The following ZNF891 variants were observed in gnomAD, a reference collection of about 807,000 sequenced individuals.
ZNF891 encodes the protein hCG1646157.
For missense variants in ZNF891, 589 were observed against 632.7 expected, an observed-to-expected ratio of 0.93 and a Z score of 0.74; for synonymous variants, 199 against 209.0, an observed-to-expected ratio of 0.95 and a Z score of 0.41.
rs533706342 is a variant in ZNF891, at chr12:133,122,181, A to G, written c.-106-157T>C. 54 of 1,170,906 alleles carry G rather than the reference A, an allele frequency of 4.6e-5. No homozygotes were observed. In the Admixed American group the frequency reaches 1.8e-3, roughly 40 times the overall value. 72.5% of individuals were successfully genotyped at this position (1,170,906 alleles called of 1,614,324 possible). A position where few individuals can be genotyped will look rare whatever the true frequency, so the allele number is the denominator to read the frequency against. On this transcript the variant is annotated intron_variant, in intron 1 of 1. Transcript: ENST00000537226. ...ACTGGGATTTGTACTGACATGCAAT[A>G]TAACGATCCTTACCCACTTCAAGAA...
chr12:133,122,706 T>G (rs1192149637), intron 1 of ZNF891, among the ~76,000 whole-genome samples: 2 of 152,184 alleles, frequency 1.3e-5, no homozygotes, highest in Non-Finnish European at 1.5e-5. Flanking sequence ...AACCTGCGCA[T>G]TCTGCACATG....
intron 1 of ZNF891, among the ~76,000 whole-genome samples, chr12:133,129,502 CA>C (rs35653414): frequency 2.1e-3 from 192 of 92,754 alleles, no homozygotes; most frequent in Middle Eastern, 6.0e-3. Context: ...AACTCTGTCT[CA>C]AAAAAAAAAA....
rs576187996 is a variant in ZNF891 at position 133,118,647 on chromosome 12, A to G, written c.*1637T>C. The G allele has an allele frequency of 9.2e-5, 14 of 152,318 alleles. No individual in the cohort carries two copies. Among genetic ancestry groups the G allele is most frequent in the African/African-American group, 3.4e-4 (14 of 41,582 alleles). The allele number at this position is 152,318 out of a possible 1,614,324, so 9.4% of individuals were successfully genotyped here. A position where few individuals can be genotyped will look rare whatever the true frequency, so the allele number is the denominator to read the frequency against. On this transcript the variant is annotated 3_prime_UTR_variant, in exon 2 of 2. Transcript: ENST00000537226. ...ATCTCATGCTTTACTTAGCATTTAAAATTGGTAACTTCCCCTCTGTCTGAA... is the reference window on the plus strand; with the variant it reads ...ATCTCATGCTTTACTTAGCATTTAAGATTGGTAACTTCCCCTCTGTCTGAA...
chr12:133,115,611 T>TTTTTG lies in ZNF891; in HGVS notation c.*4668_*4672dup, dbSNP rs983297703. The TTTTTG allele has an allele frequency of 6.6e-6, 1 of 151,914 alleles. No homozygotes were observed. The highest frequency in any genetic ancestry group is 2.4e-5 in the African/African-American group (1 of 41,336). 9.4% of individuals were successfully genotyped at this position (151,914 alleles called of 1,614,324 possible). ...AGTTTTATTATTAAAAACCACAAAG[T>TTTTTG]TTTTGTTTTGTTTTGTTTTGTTTTT... On this transcript the variant is annotated 3_prime_UTR_variant, in exon 2 of 2. Transcript: ENST00000537226.
At position 133,115,669 on chromosome 12, in the gene ZNF891, A is replaced by G. The variant is rs940104546; in HGVS notation, c.*4615T>C. Reference sequence around the variant, plus strand: ...ATACCATGGCAGCTGCATAGAAAACATACTAAAGGAAAGTATGATTCAAGT... The same window carrying G: ...ATACCATGGCAGCTGCATAGAAAACGTACTAAAGGAAAGTATGATTCAAGT... On this transcript the variant is annotated 3_prime_UTR_variant, in exon 2 of 2. Coordinates refer to ENST00000537226, the MANE Select transcript of ZNF891 (RefSeq NM_001277291.2). The G allele has an allele frequency of 1.3e-5, 2 of 152,152 alleles. No homozygotes were observed. The highest frequency in any genetic ancestry group is 6.5e-5 in the Admixed American group (1 of 15,268). The allele number at this position is 152,152 out of a possible 1,614,324, so 9.4% of individuals were successfully genotyped here.
Position 133,106,391 on chromosome 12 carries a change from C to G in ZNF891, c.*13893G>C. 1 of 1,614,170 alleles carries G rather than the reference C, an allele frequency of 6.2e-7. No individual in the cohort carries two copies. The highest frequency in any genetic ancestry group is 8.5e-7 in the Non-Finnish European group (1 of 1,180,028). ...TAAAGTTTTCACTTGGCATGCATCC[C>G]TTATTCAACATACGAAGAGTCACAC... On this transcript the variant is annotated 3_prime_UTR_variant, in exon 2 of 2. Transcript: ENST00000537226.
Position 133,110,745 on chromosome 12 carries a change from T to C in ZNF891, c.*9539A>G, listed in dbSNP as rs560972963. 1 of 151,632 alleles carries C rather than the reference T, an allele frequency of 6.6e-6. No individual in the cohort carries two copies. The highest frequency in any genetic ancestry group is 2.4e-5 in the African/African-American group (1 of 41,294). The allele number at this position is 151,632 out of a possible 1,614,324, so 9.4% of individuals were successfully genotyped here. ...CAGGCAGATCACTTGAGGTCAAGAG[T>C]TTAAAATCAGCCTGGCCAACATGGT... On this transcript the variant is annotated 3_prime_UTR_variant, in exon 2 of 2. Transcript: ENST00000537226.
Position 133,120,304 on chromosome 12 carries a change from T to C in ZNF891, c.1615A>G (p.Thr539Ala), listed in dbSNP as rs1213257927. 3.2e-6 allele frequency: 5 copies of C among 1,540,518 alleles called. No homozygotes were observed. Among genetic ancestry groups the C allele is most frequent in the Admixed American group, 2.0e-5 (1 of 50,922 alleles). The change falls in exon 2 of 2, where the codon ACT becomes GCT. Residue 539 changes from threonine (T) to alanine (A), a missense_variant. By Grantham distance (58) the Thr-to-Ala change is moderately conservative (BLOSUM62 0). Coordinates refer to ENST00000537226, the MANE Select transcript of ZNF891 (RefSeq NM_001277291.2). Reference protein sequence around the residue: ...SSLIIHKRIHTERETL With the variant: ...SSLIIHKRIHAERETL ...AACACTTACAGGGTTTCTCTCTCAG[T>C]ATGAATTCTCTTGTGTATAATAAGT...
At position 133,129,156 on chromosome 12, in the gene ZNF891, G is replaced by T. The variant is rs1287768263; in HGVS notation, c.-107+1071C>A. On this transcript the variant is annotated intron_variant, in intron 1 of 1. Coordinates refer to ENST00000537226, the MANE Select transcript of ZNF891 (RefSeq NM_001277291.2). ...GATTAAAAACAATTATCTAGGAAAG[G>T]TATCTAAAACAGAATACGAACTAAA... Among the ~76,000 whole-genome samples, 3 of 152,082 alleles carry T rather than the reference G, an allele frequency of 2.0e-5. No individual in the cohort carries two copies. In the East Asian group the frequency reaches 5.8e-4, roughly 29 times the overall value.
In ZNF891 at chr12:133,113,359, G is replaced by T. The variant is rs1032160080; in HGVS notation, c.*6925C>A. On this transcript the variant is annotated 3_prime_UTR_variant, in exon 2 of 2. Transcript: ENST00000537226. ...AGAAAAAAATTATGACATAACCATT[G>T]ATAAAACTTTGGTGTTATGTCTTTC... 5.9e-5 allele frequency: 9 copies of T among 151,930 alleles called. No homozygotes were observed. Among genetic ancestry groups the T allele is most frequent in the African/African-American group, 2.2e-4 (9 of 41,402 alleles). 9.4% of individuals were successfully genotyped at this position (151,930 alleles called of 1,614,324 possible).
rs1482592509 is a variant in ZNF891, at chr12:133,111,967, T to C, written c.*8317A>G. On this transcript the variant is annotated 3_prime_UTR_variant, in exon 2 of 2. Coordinates refer to ENST00000537226, the MANE Select transcript of ZNF891 (RefSeq NM_001277291.2). ...AAGATTTTTTTATACAAAAATGTGA[T>C]CTTTTTAAAACAAATAATTTCAATC... 1 of 152,226 alleles carries C rather than the reference T, an allele frequency of 6.6e-6. No homozygotes were observed. The highest frequency in any genetic ancestry group is 6.5e-5 in the Admixed American group (1 of 15,278). The allele number at this position is 152,226 out of a possible 1,614,324, so 9.4% of individuals were successfully genotyped here.
chr12:133,122,014 C>T lies in ZNF891; in HGVS notation c.-96G>A, dbSNP rs571829964. The T allele has an allele frequency of 6.6e-5, 92 of 1,397,098 alleles. No homozygotes were observed. The highest frequency in any genetic ancestry group is 2.4e-4 in the African/African-American group (17 of 69,404). The allele number at this position is 1,397,098 out of a possible 1,614,324, so 86.5% of individuals were successfully genotyped here. Reference sequence around the variant, plus strand: ...AGTCACAGGAGGGATGCATTTCACCCGAAGTTCTCCCTGTAGCCAAAGAAG... The same window carrying T: ...AGTCACAGGAGGGATGCATTTCACCTGAAGTTCTCCCTGTAGCCAAAGAAG... On this transcript the variant is annotated 5_prime_UTR_variant, in exon 2 of 2. Coordinates refer to ENST00000537226, the MANE Select transcript of ZNF891 (RefSeq NM_001277291.2).
chr12:133,127,056 C>G (rs992892120), intron 1 of ZNF891, among the ~76,000 whole-genome samples: 4 of 149,378 alleles, frequency 2.7e-5, no homozygotes, highest in Non-Finnish European at 4.4e-5. Flanking sequence ...CCTCTGCCTC[C>G]CGGGTTTAAG....
intron 1 of ZNF891, among the ~76,000 whole-genome samples, chr12:133,126,638 C>T (rs1178358680): frequency 1.4e-5 from 2 of 145,798 alleles, no homozygotes; most frequent in Non-Finnish European, 3.0e-5. Flanking sequence ...CAGTGAAACC[C>T]CGTCTCAAAT....
At chr12:133,122,684 G>C (rs1476290869) in intron 1 of ZNF891, among the ~76,000 whole-genome samples, 5 of 152,132 alleles carry the variant, frequency 3.3e-5, no homozygotes, top group African/African-American at 9.7e-5. Flanking sequence ...TGCAGCACAT[G>C]TTTACTTAAC....
rs1334949386 is a variant in ZNF891 at position 133,108,685 on chromosome 12, T to C, written c.*11599A>G. On this transcript the variant is annotated 3_prime_UTR_variant, in exon 2 of 2. Coordinates refer to ENST00000537226, the MANE Select transcript of ZNF891 (RefSeq NM_001277291.2). ...TAGTTTTTGTTGAGTGCAGCCAACA[T>C]TGAGAACGTTTACTTTGGAGCAATC... 6.6e-6 allele frequency: 1 copy of C among 152,216 alleles called. No individual in the cohort carries two copies. Among genetic ancestry groups the C allele is most frequent in the African/African-American group, 2.4e-5 (1 of 41,448 alleles). The allele number at this position is 152,216 out of a possible 1,614,324, so 9.4% of individuals were successfully genotyped here.
In ZNF891 at chr12:133,107,829, TA is replaced by T. The variant is rs1396330178; in HGVS notation, c.*12454del. 1.3e-5 allele frequency: 2 copies of T among 152,230 alleles called. No individual in the cohort carries two copies. Among genetic ancestry groups the T allele is most frequent in the African/African-American group, 4.8e-5 (2 of 41,458 alleles). The allele number at this position is 152,230 out of a possible 1,614,324, so 9.4% of individuals were successfully genotyped here. A position where few individuals can be genotyped will look rare whatever the true frequency, so the allele number is the denominator to read the frequency against. ...CCTTAATCAGGAAGGTAAGCAATTT[TA>T]TTTTGTAGAAAGAGAGGTAGAGAAT... On this transcript the variant is annotated 3_prime_UTR_variant, in exon 2 of 2. Coordinates refer to ENST00000537226, the MANE Select transcript of ZNF891 (RefSeq NM_001277291.2).
chr12:133,125,885 A>G, intron 1 of ZNF891: 4 of 501,434 alleles, frequency 8.0e-6, no homozygotes, highest in East Asian at 5.6e-5. Flanking sequence ...TGGAGAGAAG[A>G]AGGCATATGT....
In ZNF891 at chr12:133,125,601, G is replaced by A. The variant is rs536786257; in HGVS notation, c.-106-3577C>T. ...ACAGCAACAAAAAAAAAGAAGATCC[G>A]CATGTCACCCATCTTCTAGCAGCCC... On this transcript the variant is annotated intron_variant, in intron 1 of 1. Coordinates refer to ENST00000537226, the MANE Select transcript of ZNF891 (RefSeq NM_001277291.2). 90 of 227,330 alleles carry A rather than the reference G, an allele frequency of 4.0e-4. 2 individuals are homozygous for A. In the South Asian group the frequency reaches 4.9e-3, roughly 12 times the overall value. 14.1% of individuals were successfully genotyped at this position (227,330 alleles called of 1,614,324 possible).
Sources: allele counts gnomAD v4.1 joint callset (sites outside exome capture counted in the v4.1 genomes callset), GRCh38; gene constraint gnomAD v4.1.1; transcripts MANE v1.5; gene names NCBI Gene and HGNC (gene_info 2026-07-23, HGNC 2026-07-21).